UNC13C: variants seen among roughly 807,000 people sequenced by gnomAD.
UNC13C encodes the protein protein unc-13 homolog C.
UNC13C carries 174 observed loss-of-function variants against 245.4 expected under a neutral mutation model. The observed-to-expected ratio is 0.71, with a 90% confidence interval of 0.63 to 0.80. The LOEUF is 0.80. Among genes scored for constraint, UNC13C ranks in the 30% least tolerant of loss-of-function variants. UNC13C has a pLI of 0.00. For synonymous variants in UNC13C, 992 were observed against 895.1 expected, an observed-to-expected ratio of 1.11 and a Z score of -1.93; for missense variants, 2,829 against 2,602.9, an observed-to-expected ratio of 1.09 and a Z score of -1.89.
At chr15:54,075,280 T>A (rs1898537222) in intron 2 of UNC13C, among the ~76,000 whole-genome samples, 3 of 151,948 alleles carry the variant, frequency 2.0e-5, no homozygotes. Flanking sequence ...GGTCAGGAGA[T>A]GGAGACCACC....
At chr15:54,557,187 G>A (rs1406455479) in intron 29 of UNC13C, among the ~76,000 whole-genome samples, 2 of 151,936 alleles carry the variant, frequency 1.3e-5, no homozygotes, top group Non-Finnish European at 2.9e-5. Context: ...CATGCCATTT[G>A]TCTTGTTTCT....
chr15:54,549,538 A>G, intron 27 of UNC13C, 97 bp from the exon 28 acceptor site: 1 of 939,188 alleles, frequency 1.1e-6, no homozygotes, highest in African/African-American at 1.6e-5. Context: ...AAGTCTTATA[A>G]GGGAAATAAA....
intron 4 of UNC13C, among the ~76,000 whole-genome samples, chr15:54,167,752 G>A (rs532074985): frequency 2.0e-5 from 3 of 151,818 alleles, no homozygotes; most frequent in Admixed American, 6.6e-5. Flanking sequence ...GGTATGCAGG[G>A]TATATAAAAA....
intron 2 of UNC13C, among the ~76,000 whole-genome samples, chr15:54,043,582 A>G (rs1307300876): frequency 6.6e-6 from 1 of 152,142 alleles, no homozygotes; most frequent in Non-Finnish European, 1.5e-5. Flanking sequence ...GAGTTTGTAA[A>G]CATCCAGCCA....
intron 30 of UNC13C, among the ~76,000 whole-genome samples, chr15:54,593,996 AT>A (rs929080208): frequency 2.6e-5 from 4 of 151,988 alleles, no homozygotes; most frequent in Non-Finnish European, 5.9e-5. Flanking sequence ...GGCTGTTCTG[AT>A]TTTTTTGTGC....
At chr15:53,937,613 A>C in the UNC13C span, among the ~76,000 whole-genome samples, 24 of 152,246 alleles carry the variant, frequency 1.6e-4, no homozygotes, top group African/African-American at 5.5e-4. Flanking sequence ...TGAAAGAAAA[A>C]ATGTTAAAGG....
At chr15:54,113,269 C>T (rs1415846558) in intron 2 of UNC13C, among the ~76,000 whole-genome samples, 1 of 152,170 alleles carries the variant, frequency 6.6e-6, no homozygotes, top group African/African-American at 2.4e-5. Context: ...TACTGCATCC[C>T]CTCTGTGTAG....
chr15:54,150,589 T>C (rs2032472676), intron 4 of UNC13C, among the ~76,000 whole-genome samples: 1 of 152,190 alleles, frequency 6.6e-6, no homozygotes, highest in Admixed American at 6.5e-5. Flanking sequence ...CTTCCTGTGG[T>C]CAAGAAGACT....
chr15:54,414,496 A>C (rs2040478187), intron 18 of UNC13C, among the ~76,000 whole-genome samples: 2 of 152,200 alleles, frequency 1.3e-5, no homozygotes, highest in Admixed American at 6.5e-5. Flanking sequence ...AAATACAAAA[A>C]ATTAGCCGGG....
intron 4 of UNC13C, among the ~76,000 whole-genome samples, chr15:54,197,701 T>G (rs2034401487): frequency 2.0e-5 from 3 of 152,018 alleles, no homozygotes; most frequent in Admixed American, 2.0e-4. Context: ...AGATGGAGGA[T>G]AGGAGGCAGG....
intron 4 of UNC13C, among the ~76,000 whole-genome samples, chr15:54,217,426 G>C (rs115362329): frequency 1.0e-3 from 154 of 152,040 alleles, no homozygotes; most frequent in African/African-American, 3.6e-3. Flanking sequence ...TAGGGGGTAT[G>C]ATCAGAACTT....
Position 54,013,837 on chromosome 15 carries a change from T to G in UNC13C, c.934T>G (p.Leu312Val). 1 of 1,613,288 alleles carries G rather than the reference T, an allele frequency of 6.2e-7. No homozygotes were observed. Among genetic ancestry groups the G allele is most frequent in the Non-Finnish European group, 8.5e-7 (1 of 1,179,642 alleles). ...TRDIHDYIKH[L>V]GHMGSKASLR... ...AGACATCCATGATTATATTAAGCAC[T>G]TAGGTCATATGGGTAGCAAGGCAAG... The change falls in exon 2 of 33, where the codon TTA (leucine) becomes GTA (valine). Residue 312 changes from leucine (L) to valine (V), a missense_variant. By Grantham distance (32) the Leu-to-Val change is conservative. Transcript: ENST00000260323.
At chr15:53,977,667 A>C (rs1566927409), upstream of UNC13C, among the ~76,000 whole-genome samples, 2 of 152,146 alleles carry the variant, frequency 1.3e-5, no homozygotes, top group Non-Finnish European at 2.9e-5. Flanking sequence ...GTACTTTTTT[A>C]TTTGTTTCAA....
At chr15:54,289,481 C>A (rs1294433010) in intron 10 of UNC13C, among the ~76,000 whole-genome samples, 1 of 152,118 alleles carries the variant, frequency 6.6e-6, no homozygotes, top group African/African-American at 2.4e-5. Flanking sequence ...ATCTCCTCCA[C>A]AGAGTCAGTT....
At chr15:54,440,675 A>G (rs545707703) in intron 19 of UNC13C, among the ~76,000 whole-genome samples, 55 of 152,118 alleles carry the variant, frequency 3.6e-4, no homozygotes, top group African/African-American at 1.3e-3. Context: ...TAGATACCCA[A>G]TAGTGGGATT....
chr15:54,558,128 G>A (rs970758595), intron 29 of UNC13C, among the ~76,000 whole-genome samples: 1 of 152,028 alleles, frequency 6.6e-6, no homozygotes, highest in Non-Finnish European at 1.5e-5. Context: ...GGGAGGGATA[G>A]CATTGGGAGA....
At chr15:54,195,380 A>G (rs917290930) in intron 4 of UNC13C, among the ~76,000 whole-genome samples, 1 of 152,190 alleles carries the variant, frequency 6.6e-6, no homozygotes, top group Admixed American at 6.6e-5. Flanking sequence ...TAGCTTTGCT[A>G]TGGAACAAAG....
chr15:54,554,586 CG>C (rs1897017768), intron 28 of UNC13C, among the ~76,000 whole-genome samples: 1 of 152,020 alleles, frequency 6.6e-6, no homozygotes, highest in African/African-American at 2.4e-5. Context: ...GAAGGACAAA[CG>C]TTTTCCCTGT....
intron 4 of UNC13C, among the ~76,000 whole-genome samples, chr15:54,186,754 G>A (rs1004548360): frequency 6.6e-6 from 1 of 151,426 alleles, no homozygotes; most frequent in Admixed American, 6.6e-5. Context: ...AAGTAAGTGT[G>A]TCCCTTTGGC....
Sources: gnomAD v4.1 joint callset for allele counts (sites outside exome capture counted in the v4.1 genomes callset) on GRCh38, gnomAD v4.1.1 for gene constraint, MANE v1.5 for transcripts, NCBI Gene and HGNC (gene_info 2026-07-23, HGNC 2026-07-21) for gene names.